C12orf56: variants seen among roughly 807,000 people sequenced by gnomAD.
C12orf56 encodes uncharacterized protein C12orf56.
Under a neutral mutation model 69.9 loss-of-function variants are expected in C12orf56, and 71 were observed. The observed-to-expected ratio is 1.02, with a 90% CI of 0.84 to 1.24. The LOEUF is 1.24. Ranked by LOEUF, C12orf56 falls within the 50% of genes most tolerant of loss-of-function variation. C12orf56 has a pLI of 0.00. For missense variants in C12orf56, 732 were observed against 738.5 expected, an observed-to-expected ratio of 0.99 and a Z score of 0.10; for synonymous variants, 276 against 274.1, an observed-to-expected ratio of 1.01 and a Z score of -0.07.
intron 1 of C12orf56, among the ~76,000 whole-genome samples, chr12:64,374,269 C>A (rs2039611443): frequency 6.6e-6 from 1 of 152,108 alleles, no homozygotes; most frequent in Non-Finnish European, 1.5e-5. Flanking sequence ...CCAAGAAAGA[C>A]TAAAAGTAAA....
At chr12:64,306,104 T>C (rs2038508698) in intron 5 of C12orf56, among the ~76,000 whole-genome samples, 1 of 152,192 alleles carries the variant, frequency 6.6e-6, no homozygotes, top group Non-Finnish European at 1.5e-5. Flanking sequence ...AACAGCATAC[T>C]AATCTCTTCA....
In C12orf56 at chr12:64,351,855, C is replaced by G. The variant is rs1472186198; in HGVS notation, c.415+1039G>C. 2.3e-5 allele frequency among the ~76,000 whole-genome samples: 3 copies of G among 127,806 alleles called. No homozygotes were observed. In the Admixed American group the frequency reaches 2.8e-4, roughly 12 times the overall value. 83.8% of individuals were successfully genotyped at this position (127,806 alleles called of 152,430 possible). A position where few individuals can be genotyped will look rare whatever the true frequency, so the allele number is the denominator to read the frequency against. On this transcript the variant is annotated intron_variant, in intron 2 of 12. Transcript: ENST00000543942. Reference sequence around the variant, plus strand: ...ACCCCTTTCAAATGCAACCAGAAACCCTGGGACTCCTTTGGAAAAAAAAAA... The same window carrying G: ...ACCCCTTTCAAATGCAACCAGAAACGCTGGGACTCCTTTGGAAAAAAAAAA...
At chr12:64,302,425 G>A (rs2038458253) in intron 6 of C12orf56, among the ~76,000 whole-genome samples, 1 of 152,026 alleles carries the variant, frequency 6.6e-6, no homozygotes, top group African/African-American at 2.4e-5. Flanking sequence ...CCCTAATCTG[G>A]GCAAACCAAA....
At chr12:64,301,141 G>A (rs1259468382) in intron 6 of C12orf56, among the ~76,000 whole-genome samples, 1 of 152,122 alleles carries the variant, frequency 6.6e-6, no homozygotes, top group African/African-American at 2.4e-5. Context: ...TCTGTGGCAG[G>A]CCAGGTCTTC....
chr12:64,390,072 G>A (rs1289969065), intron 1 of C12orf56, among the ~76,000 whole-genome samples: 1 of 152,290 alleles, frequency 6.6e-6, no homozygotes, highest in East Asian at 1.9e-4. Flanking sequence ...GTAGCCCTAC[G>A]TGGGGTAGGG....
At chr12:64,380,293 G>T (rs981935157) in intron 1 of C12orf56, among the ~76,000 whole-genome samples, 11 of 152,052 alleles carry the variant, frequency 7.2e-5, no homozygotes, top group African/African-American at 2.7e-4. Flanking sequence ...CGGCCAGTGT[G>T]ATAACCTGTC....
chr12:64,308,955 GAAAGAAAGAAAGAAAGA>G (rs2038567396), intron 5 of C12orf56, among the ~76,000 whole-genome samples: 2 of 105,774 alleles, frequency 1.9e-5, no homozygotes, highest in South Asian at 3.1e-4. Flanking sequence ...AAGAAAGAAA[GAAAGAAAGAAAGAAAGA>G]AAAGAAAGAA....
At chr12:64,317,185 G>A (rs1053784163) in intron 4 of C12orf56, among the ~76,000 whole-genome samples, 1 of 151,890 alleles carries the variant, frequency 6.6e-6, no homozygotes, top group Non-Finnish European at 1.5e-5. Flanking sequence ...TCCAAACAGT[G>A]GTATGAGAAA....
In C12orf56 at chr12:64,277,672, C is replaced by T. The variant is rs757639814; in HGVS notation, c.1434+8G>A. On this transcript the variant is annotated splice_region_variant and intron_variant, in intron 9 of 12. Coordinates refer to ENST00000543942, the MANE Select transcript of C12orf56 (RefSeq NM_001170633.2). ...TATAATAGTTTACCCCCCAAATTCT[C>T]ATCTCACCTCAGCGTCAAAAGACAT... The T allele has an allele frequency of 2.0e-6, 3 of 1,496,910 alleles. No homozygotes were observed. Among genetic ancestry groups the T allele is most frequent in the Middle Eastern group, 1.8e-4 (1 of 5,680 alleles). The allele number at this position is 1,496,910 out of a possible 1,614,324, so 92.7% of individuals were successfully genotyped here.
intron 9 of C12orf56, among the ~76,000 whole-genome samples, chr12:64,277,363 CACAG>C (rs1440079191): frequency 1.3e-5 from 2 of 152,070 alleles, no homozygotes; most frequent in South Asian, 2.1e-4. Flanking sequence ...ATGTTTTGTA[CACAG>C]ACAGACATAA....
At position 64,292,340 on chromosome 12, in the gene C12orf56, CTT is replaced by C. The variant is rs2038294801; in HGVS notation, c.1114-6282_1114-6281del. On this transcript the variant is annotated intron_variant, in intron 6 of 12. Coordinates refer to ENST00000543942, the MANE Select transcript of C12orf56 (RefSeq NM_001170633.2). ...GAGTAATTTGATCGTCTGAAGCCTT[CTT>C]CTCTCAGCTCGTCAAAGTCATTCTC... Among the ~76,000 whole-genome samples, 2 of 3,014 alleles carry C rather than the reference CTT, an allele frequency of 6.6e-4. 1 individual carries two copies. Among genetic ancestry groups the C allele is most frequent in the African/African-American group, 7.7e-4 (2 of 2,610 alleles). 2.0% of individuals were successfully genotyped at this position (3,014 alleles called of 152,430 possible).
At chr12:64,379,132 C>T (rs2039678654) in intron 1 of C12orf56, among the ~76,000 whole-genome samples, 1 of 151,960 alleles carries the variant, frequency 6.6e-6, no homozygotes, top group African/African-American at 2.4e-5. Context: ...AGACCTAAAC[C>T]TCTGTTGTGT....
intron 11 of C12orf56, among the ~76,000 whole-genome samples, chr12:64,274,386 T>G (rs2038025653): frequency 6.6e-6 from 1 of 151,902 alleles, no homozygotes; most frequent in South Asian, 2.1e-4. Context: ...GAAGGAAGAG[T>G]TATTGAGAGA....
At chr12:64,284,416 G>C (rs887423509) in intron 8 of C12orf56, among the ~76,000 whole-genome samples, 1 of 152,134 alleles carries the variant, frequency 6.6e-6, no homozygotes, top group Non-Finnish European at 1.5e-5. Flanking sequence ...AAGTTCACCA[G>C]ACTAGGACAA....
chr12:64,356,189 A>AAC (rs1555193143), intron 1 of C12orf56, among the ~76,000 whole-genome samples: 19 of 150,686 alleles, frequency 1.3e-4, no homozygotes, highest in African/African-American at 4.7e-4. Context: ...AAAAAAAAAA[A>AAC]AAAAAAAAAA....
At chr12:64,296,887 A>G (rs187033585) in intron 6 of C12orf56, among the ~76,000 whole-genome samples, 1 of 137,316 alleles carries the variant, frequency 7.3e-6, no homozygotes, top group Non-Finnish European at 1.6e-5. Context: ...TTTTTTTTGC[A>G]TGCTCTTTTG....
At chr12:64,311,835 C>T (rs1286698595) in intron 5 of C12orf56, among the ~76,000 whole-genome samples, 1 of 152,236 alleles carries the variant, frequency 6.6e-6, no homozygotes, top group East Asian at 1.9e-4. Context: ...TTTGTGCTTC[C>T]GAAAGATTCT....
chr12:64,297,678 G>A (rs2038385056), intron 6 of C12orf56, among the ~76,000 whole-genome samples: 1 of 152,114 alleles, frequency 6.6e-6, no homozygotes, highest in Admixed American at 6.6e-5. Flanking sequence ...GAGAATGATG[G>A]TTTCCAGCTT....
At chr12:64,272,565 G>GT (rs1454174000) in intron 11 of C12orf56, among the ~76,000 whole-genome samples, 2 of 121,218 alleles carry the variant, frequency 1.6e-5, no homozygotes, top group Admixed American at 1.0e-4. Context: ...GGAAATGAAA[G>GT]TAAAAAAATA....
Sources: allele counts gnomAD v4.1 joint callset (sites outside exome capture counted in the v4.1 genomes callset), GRCh38; gene constraint gnomAD v4.1.1; transcripts MANE v1.5; gene names NCBI Gene and HGNC (gene_info 2026-07-23, HGNC 2026-07-21).